Variants in IGSF21 observed in about 807,000 individuals in gnomAD.
IGSF21 encodes immunoglobulin superfamily member 21.
Under a neutral mutation model 46.8 loss-of-function variants are expected in IGSF21, and 28 were observed. The observed-to-expected ratio is 0.60, with a 90% confidence interval of 0.44 to 0.82. IGSF21 has a LOEUF of 0.82. Ranked by LOEUF, IGSF21 falls within the 40% of genes least tolerant of loss-of-function variation. IGSF21 has a pLI of 0.00. For synonymous variants in IGSF21, 284 were observed against 273.6 expected (o/e 1.04, Z -0.38); for missense variants, 624 against 665.5 (o/e 0.94, Z 0.69).
intron 2 of IGSF21, among the ~76,000 whole-genome samples, chr1:18,268,651 A>C (rs920228548): frequency 1.3e-5 from 2 of 152,124 alleles, no homozygotes; most frequent in African/African-American, 2.4e-5. Context: ...GTGCCTTGGG[A>C]GTGGGGGAAG....
At chr1:18,377,484 G>A (rs372524448) in intron 9 of IGSF21, 53 bp downstream of exon 9, 73 of 1,450,384 alleles carry the variant, frequency 5.0e-5, no homozygotes, top group South Asian at 3.2e-4. Flanking sequence ...CTTTTGAGGC[G>A]CCAGAAAGCT....
intron 4 of IGSF21, among the ~76,000 whole-genome samples, chr1:18,342,044 C>A (rs1042545691): frequency 9.4e-6 from 1 of 105,918 alleles, no homozygotes; most frequent in African/African-American, 3.5e-5. Context: ...GTGCCTGGTG[C>A]ATTTTCCTTG....
At position 18,378,243 on chromosome 1, in the gene IGSF21, A is replaced by G. The variant is rs751895743; in HGVS notation, c.1334-13A>G. The G allele has an allele frequency of 8.1e-6, 13 of 1,613,294 alleles. No individual in the cohort carries two copies. The South Asian group carries it at 1.4e-4, about 18-fold the overall frequency. On this transcript the variant is annotated splice_polypyrimidine_tract_variant and intron_variant, in intron 9 of 9. Coordinates refer to ENST00000251296, the MANE Select transcript of IGSF21 (RefSeq NM_032880.5). ...TCTGCAGGCTCTGACCCTTTCCCTG[A>G]TTCCTGGCACAGGTTCCATTGGCCC... is the stretch of plus-strand genomic sequence containing the variant.
chr1:18,151,598 C>CG (rs960064336), intron 1 of IGSF21, among the ~76,000 whole-genome samples: 3 of 152,042 alleles, frequency 2.0e-5, no homozygotes, highest in Admixed American at 2.0e-4. Context: ...ATATAACAGG[C>CG]GGGGGAGAGG....
intron 4 of IGSF21, among the ~76,000 whole-genome samples, chr1:18,340,715 AG>A (rs2085823890): frequency 6.6e-6 from 1 of 151,874 alleles, no homozygotes; most frequent in African/African-American, 2.4e-5. Context: ...TCCCCATGCA[AG>A]GGAAAAATCC....
chr1:18,184,887 T>C (rs1178701225), intron 1 of IGSF21, among the ~76,000 whole-genome samples: 2 of 152,170 alleles, frequency 1.3e-5, no homozygotes, highest in Non-Finnish European at 2.9e-5. Context: ...CAAATCCCAG[T>C]CCAGACACTT....
chr1:18,359,450 G>C (rs1395562804), intron 4 of IGSF21, among the ~76,000 whole-genome samples: 1 of 133,364 alleles, frequency 7.5e-6, no homozygotes, highest in African/African-American at 2.9e-5. Flanking sequence ...AAAAGAGAAA[G>C]AAAGAAAGAA....
intron 2 of IGSF21, among the ~76,000 whole-genome samples, chr1:18,244,626 G>C (rs768780237): frequency 6.6e-6 from 1 of 152,178 alleles, no homozygotes; most frequent in Non-Finnish European, 1.5e-5. Flanking sequence ...TAGTTATTGA[G>C]AGCCCTCTGT....
At chr1:18,151,087 C>T (rs532380280) in intron 1 of IGSF21, among the ~76,000 whole-genome samples, 23 of 152,292 alleles carry the variant, frequency 1.5e-4, no homozygotes, top group African/African-American at 4.3e-4. Context: ...AATACCTGAG[C>T]GTCCCAGGGC....
Position 18,220,369 on chromosome 1 carries a change from G to A in IGSF21, c.71-7529G>A, listed in dbSNP as rs537470819. Among the ~76,000 whole-genome samples, 14 of 152,240 alleles carry A rather than the reference G, an allele frequency of 9.2e-5. No individual in the cohort carries two copies. In the South Asian group the frequency reaches 2.1e-3, roughly 23 times the overall value. Reference sequence around the variant, plus strand: ...AATCCAAGCAGATGTGGTCAGAGAAGCAGGTTCAGAACACACCTGAGGTCG... The same window carrying A: ...AATCCAAGCAGATGTGGTCAGAGAAACAGGTTCAGAACACACCTGAGGTCG... On this transcript the variant is annotated intron_variant, in intron 1 of 9. Transcript: ENST00000251296.
At chr1:18,221,244 A>C (rs1047522933) in intron 1 of IGSF21, among the ~76,000 whole-genome samples, 3 of 152,210 alleles carry the variant, frequency 2.0e-5, no homozygotes, top group African/African-American at 4.8e-5. Context: ...GTGAAGTTAT[A>C]ACAAGGGTGA....
chr1:18,272,236 C>A (rs1038927626), intron 2 of IGSF21, among the ~76,000 whole-genome samples: 1 of 151,926 alleles, frequency 6.6e-6, no homozygotes, highest in Non-Finnish European at 1.5e-5. Flanking sequence ...GGGGAAACCG[C>A]CCCCATGATT....
intron 3 of IGSF21, among the ~76,000 whole-genome samples, chr1:18,294,048 G>A (rs1373332768): frequency 1.3e-5 from 2 of 152,208 alleles, no homozygotes; most frequent in Non-Finnish European, 2.9e-5. Flanking sequence ...TCCTTCGCCT[G>A]TAGAGCAGAC....
In IGSF21 at chr1:18,290,265, T is replaced by TGGTCC. The variant is rs2085252594; in HGVS notation, c.184-1600_184-1596dup. Among the ~76,000 whole-genome samples the TGGTCC allele has an allele frequency of 6.6e-6, 1 of 152,084 alleles. No homozygotes were observed. ...GCAGAAGCAGCCAGGTGGGAGGAAG[T>TGGTCC]GGTCCTCTGTCTCCCCTCTGCACAT... On this transcript the variant is annotated intron_variant, in intron 2 of 9. Transcript: ENST00000251296. The surrounding 1 kb of genome is among the most constrained non-coding windows in gnomAD (Gnocchi z 4.2).
At position 18,235,042 on chromosome 1, in the gene IGSF21, C is replaced by A. The variant is rs1188634192; in HGVS notation, c.183+7032C>A. Among the ~76,000 whole-genome samples, 10 of 152,296 alleles carry A rather than the reference C, an allele frequency of 6.6e-5. 1 individual carries two copies. In the East Asian group the frequency reaches 1.9e-3, roughly 29 times the overall value. ...GTTCTATTGGAAACCGGCAGGGGTACCTGACTCTGACAGCTCATTAGACTT... is the reference window on the plus strand; with the variant it reads ...GTTCTATTGGAAACCGGCAGGGGTAACTGACTCTGACAGCTCATTAGACTT... On this transcript the variant is annotated intron_variant, in intron 2 of 9. Transcript: ENST00000251296.
In IGSF21 at chr1:18,365,231, C is replaced by A; in HGVS notation, c.549C>A (p.Phe183Leu). 6.3e-7 allele frequency: 1 copy of A among 1,595,692 alleles called. No homozygotes were observed. The highest frequency in any genetic ancestry group is 8.6e-7 in the Non-Finnish European group (1 of 1,168,750). The change falls in exon 6 of 10, where the codon TTC becomes TTA. Residue 183 changes from phenylalanine to leucine, a missense_variant. By Grantham distance (22) the Phe-to-Leu change is conservative. Coordinates refer to ENST00000251296, the MANE Select transcript of IGSF21 (RefSeq NM_032880.5). The surrounding 1 kb of genome is among the most constrained non-coding windows in gnomAD (Gnocchi z 4.8). ...CCTCCTTACAATGGCAGGTTTATTT[C>A]AAACGAGATGGGGAACCAATCGACG... The part of the protein sequence containing the change: ...SGGKPAPMVY[F>L]KRDGEPIDAV...
At chr1:18,326,693 A>G (rs1487388592) in intron 3 of IGSF21, among the ~76,000 whole-genome samples, 1 of 152,192 alleles carries the variant, frequency 6.6e-6, no homozygotes, top group African/African-American at 2.4e-5. Flanking sequence ...AATTTTGGCA[A>G]GGATGCAAAA....
intron 1 of IGSF21, among the ~76,000 whole-genome samples, chr1:18,213,209 T>G (rs979777946): frequency 6.6e-6 from 1 of 152,250 alleles, no homozygotes; most frequent in Non-Finnish European, 1.5e-5. Flanking sequence ...GCTTTTTCAT[T>G]CATCTTATTC....
chr1:18,313,035 C>A (rs1029384854), intron 3 of IGSF21, among the ~76,000 whole-genome samples: 1 of 152,172 alleles, frequency 6.6e-6, no homozygotes, highest in African/African-American at 2.4e-5. Flanking sequence ...GCAAGAGCCC[C>A]GTTTTACTCA....
Sources: allele counts gnomAD v4.1 joint callset (sites outside exome capture counted in the v4.1 genomes callset), GRCh38; gene constraint gnomAD v4.1.1; non-coding constraint Gnocchi (gnomAD v3.1); transcripts MANE v1.5; gene names NCBI Gene and HGNC (gene_info 2026-07-23, HGNC 2026-07-21).